Variants in STK10 observed in about 807,000 individuals in gnomAD.
STK10 encodes serine/threonine-protein kinase 10.
STK10 carries 78 observed loss-of-function variants against 113.8 expected under a neutral mutation model. That is an observed-to-expected ratio of 0.69 (90% CI 0.57 to 0.83). The LOEUF is 0.83. STK10 is among the 40% of genes least tolerant of loss of function. The pLI is 0.00. For synonymous variants in STK10, 465 were observed against 494.7 expected, an observed-to-expected ratio of 0.94 and a Z score of 0.80; for missense variants, 1,109 against 1,280.1, an observed-to-expected ratio of 0.87 and a Z score of 2.04.
intron 1 of STK10, among the ~76,000 whole-genome samples, chr5:172,170,838 G>T (rs1770653836): frequency 6.6e-6 from 1 of 152,178 alleles, no homozygotes; most frequent in Non-Finnish European, 1.5e-5. Flanking sequence ...TCCTTGCAGG[G>T]GACCGCTCCC....
chr5:172,134,032 G>C (rs1323912118), intron 2 of STK10, among the ~76,000 whole-genome samples: 1 of 152,202 alleles, frequency 6.6e-6, no homozygotes, highest in African/African-American at 2.4e-5. Flanking sequence ...TTTCCAACAA[G>C]TGCTCAGATG....
At chr5:172,149,893 A>G in intron 2 of STK10, among the ~76,000 whole-genome samples, 1 of 151,662 alleles carries the variant, frequency 6.6e-6, no homozygotes, top group East Asian at 1.9e-4. Context: ...TAAATATACA[A>G]AAAATTAGCT....
chr5:172,061,687 T>C (rs1411246756), intron 13 of STK10: 1 of 155,284 alleles, frequency 6.4e-6, no homozygotes, highest in African/African-American at 2.4e-5. Flanking sequence ...CCTGACCTTG[T>C]GATCTGCCTG....
chr5:172,127,560 C>T, intron 2 of STK10, 139 bp from the exon 3 acceptor site: 1 of 802,904 alleles, frequency 1.2e-6, no homozygotes, highest in Non-Finnish European at 1.9e-6. Flanking sequence ...CTCCTCCTGC[C>T]TTGGGAGCCC....
At chr5:172,149,230 C>G (rs1465485662) in intron 2 of STK10, among the ~76,000 whole-genome samples, 2 of 152,194 alleles carry the variant, frequency 1.3e-5, no homozygotes, top group Non-Finnish European at 2.9e-5. Context: ...AACAGCCCAC[C>G]CGGCACAGGC....
intron 7 of STK10, among the ~76,000 whole-genome samples, chr5:172,104,427 C>T (rs530514498): frequency 6.6e-6 from 1 of 152,202 alleles, no homozygotes; most frequent in Non-Finnish European, 1.5e-5. Context: ...GCTCACAGCT[C>T]CCTCCAATAG....
chr5:172,073,484 G>A (rs1357068992), intron 12 of STK10, among the ~76,000 whole-genome samples: 1 of 151,274 alleles, frequency 6.6e-6, no homozygotes, highest in Non-Finnish European at 1.5e-5. Flanking sequence ...TTGTTTTAGA[G>A]ACAGGGTTTC....
intron 1 of STK10, among the ~76,000 whole-genome samples, chr5:172,182,554 T>C (rs1336946087): frequency 4.0e-5 from 6 of 148,670 alleles, no homozygotes; most frequent in Admixed American, 3.3e-4. Context: ...CAGCTCATTT[T>C]TTTTTTTTTT....
Position 172,044,705 on chromosome 5 carries a change from A to G in STK10, c.*177T>C. ...CCTCACCCTCCACAGGCCAGCAAGAAGTCAGGAACGCTGGGGCAGGTCTAT... is the reference window on the plus strand; with the variant it reads ...CCTCACCCTCCACAGGCCAGCAAGAGGTCAGGAACGCTGGGGCAGGTCTAT... On this transcript the variant is annotated 3_prime_UTR_variant, in exon 19 of 19. Coordinates refer to ENST00000176763, the MANE Select transcript of STK10 (RefSeq NM_005990.4). The surrounding 1 kb of genome is among the most constrained non-coding windows in gnomAD (Gnocchi z 4.5). 5 of 956,084 alleles carry G rather than the reference A, an allele frequency of 5.2e-6. No homozygotes were observed. The highest frequency in any genetic ancestry group is 7.9e-6 in the Non-Finnish European group (5 of 633,824). 59.2% of individuals were successfully genotyped at this position (956,084 alleles called of 1,614,324 possible).
intron 14 of STK10, 28 bp downstream of exon 14, chr5:172,061,111 G>C: frequency 6.3e-7 from 1 of 1,589,778 alleles, no homozygotes; most frequent in Non-Finnish European, 8.5e-7. Context: ...TCTGGGCCAA[G>C]ACAGCGCTGC....
intron 1 of STK10, among the ~76,000 whole-genome samples, chr5:172,164,762 C>A (rs1269290360): frequency 6.6e-6 from 1 of 152,088 alleles, no homozygotes; most frequent in Admixed American, 6.5e-5. Context: ...TAGATGAGGC[C>A]CACGTGGGAG....
intron 7 of STK10, among the ~76,000 whole-genome samples, chr5:172,102,941 T>G (rs1448665276): frequency 1.3e-5 from 2 of 151,814 alleles, no homozygotes; most frequent in Non-Finnish European, 2.9e-5. Context: ...GGGCGGGGCA[T>G]GGCATGTCTG....
chr5:172,173,926 A>C (rs1770706711), intron 1 of STK10, among the ~76,000 whole-genome samples: 1 of 152,244 alleles, frequency 6.6e-6, no homozygotes, highest in African/African-American at 2.4e-5. Flanking sequence ...TAGACGTCAC[A>C]GCTCAAGATG....
chr5:172,160,374 C>T (rs1345968371), intron 1 of STK10, among the ~76,000 whole-genome samples: 2 of 151,358 alleles, frequency 1.3e-5, no homozygotes. Context: ...ACTCAAGAGG[C>T]TGATGTGGGA....
At position 172,120,456 on chromosome 5, in the gene STK10, GC is replaced by G. The variant is rs895646869; in HGVS notation, c.371-2827del. On this transcript the variant is annotated intron_variant, in intron 3 of 18. Transcript: ENST00000176763. This position sits in a 1 kb window ranked among gnomAD's most constrained non-coding sequence, Gnocchi z 4.0. Reference sequence around the variant, plus strand: ...TCTCTCTGGAGTCCGCAAGCTGCCTGCCCCCTGTCCCTGTGGCCTCATCCTG... The same window carrying G: ...TCTCTCTGGAGTCCGCAAGCTGCCTGCCCCTGTCCCTGTGGCCTCATCCTG... 1.3e-5 allele frequency among the ~76,000 whole-genome samples: 2 copies of G among 152,146 alleles called. No individual in the cohort carries two copies. The highest frequency in any genetic ancestry group is 4.8e-5 in the African/African-American group (2 of 41,440).
At chr5:172,098,666 A>G (rs1418094369) in intron 7 of STK10, among the ~76,000 whole-genome samples, 1 of 152,150 alleles carries the variant, frequency 6.6e-6, no homozygotes, top group Non-Finnish European at 1.5e-5. Flanking sequence ...AGGGTTTACT[A>G]ATCATAGGAG....
intron 14 of STK10, among the ~76,000 whole-genome samples, chr5:172,059,882 C>T (rs1316088252): frequency 6.6e-6 from 1 of 152,210 alleles, no homozygotes; most frequent in Non-Finnish European, 1.5e-5. Context: ...GAACTCCCAA[C>T]AGCACCAGGG....
At chr5:172,053,082 G>T in intron 17 of STK10, 40 bp from the exon 18 acceptor site, 1 of 1,570,658 alleles carries the variant, frequency 6.4e-7, no homozygotes, top group South Asian at 1.1e-5. Context: ...GAAATCAGAA[G>T]ACGCAGGCCC....
chr5:172,063,285 A>G (rs1767974636), intron 13 of STK10, among the ~76,000 whole-genome samples: 7 of 152,006 alleles, frequency 4.6e-5, no homozygotes, highest in Admixed American at 3.3e-4. Flanking sequence ...TGAAACTCCC[A>G]GTTTTGAAAC....
Sources: gnomAD v4.1 joint callset for allele counts (sites outside exome capture counted in the v4.1 genomes callset) on GRCh38, gnomAD v4.1.1 for gene constraint, Gnocchi (gnomAD v3.1) non-coding constraint, MANE v1.5 for transcripts, NCBI Gene and HGNC (gene_info 2026-07-23, HGNC 2026-07-21) for gene names.